The following DNAJC8 variants were observed in gnomAD, a reference collection of about 807,000 sequenced individuals.
The protein encoded by DNAJC8 is DnaJ heat shock protein family (Hsp40) member C8.
DNAJC8 carries 24 observed loss-of-function variants against 43.2 expected under a neutral mutation model. The observed-to-expected ratio is 0.56, with a 90% CI of 0.40 to 0.78. DNAJC8 has a LOEUF of 0.78. DNAJC8 is among the 30% of genes least tolerant of loss of function. DNAJC8 has a pLI of 0.00. For missense variants in DNAJC8, 207 were observed against 299.4 expected, an observed-to-expected ratio of 0.69 and a Z score of 2.28; for synonymous variants, 83 against 98.0, an observed-to-expected ratio of 0.85 and a Z score of 0.90.
At chr1:28,208,916 T>C (rs570907206) in intron 5 of DNAJC8, 2 of 152,392 alleles carry the variant, frequency 1.3e-5, no homozygotes, top group East Asian at 3.8e-4. Context: ...TTTTATCACA[T>C]TGGCCACTAC....
At chr1:28,204,089 T>C (rs143599299) in intron 7 of DNAJC8, among the ~76,000 whole-genome samples, 1,990 of 152,346 alleles carry the variant, frequency 0.013, 14 homozygotes, top group Middle Eastern at 0.027. Flanking sequence ...AAGAGCAATC[T>C]GAGGTTTTGG....
At chr1:28,202,515 A>G (rs1196682057) in intron 8 of DNAJC8, among the ~76,000 whole-genome samples, 33 of 150,218 alleles carry the variant, frequency 2.2e-4, no homozygotes, top group Non-Finnish European at 2.9e-5. Context: ...TCCTGACCTC[A>G]TGATCCGCCT....
In DNAJC8 at chr1:28,200,696, T is replaced by C. The variant is rs769480841; in HGVS notation, c.*552A>G. 2.6e-5 allele frequency: 12 copies of C among 454,312 alleles called. No individual in the cohort carries two copies. The highest frequency in any genetic ancestry group is 1.9e-4 in the South Asian group (12 of 64,474). 28.1% of individuals were successfully genotyped at this position (454,312 alleles called of 1,614,324 possible). A position where few individuals can be genotyped will look rare whatever the true frequency, so the allele number is the denominator to read the frequency against. ...TGGCGTGGGCCTCATGCCACACTGA[T>C]TGGTCAGTAGACAGGGGGCACATGC... On this transcript the variant is annotated 3_prime_UTR_variant, in exon 9 of 9. Transcript: ENST00000263697.
chr1:28,202,933 T>C (rs983613369), intron 8 of DNAJC8, among the ~76,000 whole-genome samples: 1 of 152,300 alleles, frequency 6.6e-6, no homozygotes, highest in South Asian at 2.1e-4. Context: ...TGTGTACTGC[T>C]ACCAGTGCTT....
intron 2 of DNAJC8, among the ~76,000 whole-genome samples, chr1:28,225,705 A>ATTTTTTTTTT (rs199980896): frequency 1.5e-5 from 2 of 137,502 alleles, no homozygotes; most frequent in Non-Finnish European, 3.1e-5. Context: ...TTAAATGGTA[A>ATTTTTTTTTT]TTTTTTTTTT....
At chr1:28,213,150 G>C (rs1369278858) in intron 3 of DNAJC8, among the ~76,000 whole-genome samples, 1 of 152,108 alleles carries the variant, frequency 6.6e-6, no homozygotes, top group Admixed American at 6.5e-5. Context: ...TACACTGCTT[G>C]TTAAGTGGTA....
At chr1:28,201,576 G>A (rs1646733565) in intron 8 of DNAJC8, among the ~76,000 whole-genome samples, 1 of 152,104 alleles carries the variant, frequency 6.6e-6, no homozygotes, top group Admixed American at 6.5e-5. Context: ...ATCACCTGAG[G>A]TCAGGAGTTC....
At position 28,221,886 on chromosome 1, in the gene DNAJC8, T is replaced by C. The variant is rs568598602; in HGVS notation, c.181-6890A>G. On this transcript the variant is annotated intron_variant, in intron 2 of 8. Transcript: ENST00000263697. ...GAATAGGCAAAATGTGGTATATCCA[T>C]ACAACAGATTACCATTCAGCCTTAA... 1.6e-4 allele frequency among the ~76,000 whole-genome samples: 24 copies of C among 152,292 alleles called. No homozygotes were observed. The East Asian group carries it at 3.9e-3, about 24-fold the overall frequency.
intron 3 of DNAJC8, 116 bp from the exon 4 acceptor site, chr1:28,210,753 G>A: frequency 1.5e-6 from 1 of 667,276 alleles, no homozygotes; most frequent in Non-Finnish European, 2.6e-6. Flanking sequence ...GAGACTCTTA[G>A]CAAAAGCATT....
chr1:28,205,719 C>T (rs1646764122), intron 6 of DNAJC8, among the ~76,000 whole-genome samples: 1 of 152,158 alleles, frequency 6.6e-6, no homozygotes. Flanking sequence ...GAAACTCTGT[C>T]TCTATCAAAA....
intron 3 of DNAJC8, 111 bp from the exon 4 acceptor site, chr1:28,210,748 T>C: frequency 1.4e-6 from 1 of 701,836 alleles, no homozygotes; most frequent in Admixed American, 2.6e-5. Flanking sequence ...AAAAAGAGAC[T>C]CTTAGCAAAA....
At chr1:28,209,878 C>T (rs1646798897) in intron 5 of DNAJC8, 94 bp downstream of exon 5, 1 of 1,076,100 alleles carries the variant, frequency 9.3e-7, no homozygotes, top group Admixed American at 1.9e-5. Context: ...CAGGTTGTGC[C>T]AGTAGGCATT....
intron 3 of DNAJC8, among the ~76,000 whole-genome samples, chr1:28,213,829 A>G (rs1461632000): frequency 6.6e-6 from 1 of 152,146 alleles, no homozygotes; most frequent in African/African-American, 2.4e-5. Flanking sequence ...CAGCCTGGGC[A>G]ACATGGCGAA....
intron 5 of DNAJC8, among the ~76,000 whole-genome samples, chr1:28,209,362 C>T (rs1050135841): frequency 6.6e-6 from 1 of 152,108 alleles, no homozygotes; most frequent in Non-Finnish European, 1.5e-5. Context: ...AGATTCTTGC[C>T]CCAGCAAGTA....
chr1:28,227,726 CATA>C (rs1374426060), intron 2 of DNAJC8, among the ~76,000 whole-genome samples: 1 of 152,040 alleles, frequency 6.6e-6, no homozygotes, highest in Non-Finnish European at 1.5e-5. Flanking sequence ...GCCTGGGCAA[CATA>C]ATGAGGCCCC....
At chr1:28,210,326 A>G (rs1029656185) in intron 4 of DNAJC8, 2 of 546,060 alleles carry the variant, frequency 3.7e-6, no homozygotes, top group Admixed American at 3.5e-5. Context: ...ATGTTCAAAG[A>G]AAAAAAATGA....
chr1:28,208,749 G>A (rs1213766891), intron 5 of DNAJC8: 16 of 170,772 alleles, frequency 9.4e-5, no homozygotes, highest in Non-Finnish European at 2.5e-5. Context: ...TTGTGGTTAT[G>A]TGTTTAGAGC....
intron 3 of DNAJC8, among the ~76,000 whole-genome samples, chr1:28,211,694 G>A (rs1646811380): frequency 6.6e-6 from 1 of 152,134 alleles, no homozygotes; most frequent in South Asian, 2.1e-4. Flanking sequence ...ACTAGACTGG[G>A]TTTCAGATGA....
chr1:28,217,492 T>G (rs1285268591), intron 2 of DNAJC8, among the ~76,000 whole-genome samples: 1 of 152,054 alleles, frequency 6.6e-6, no homozygotes, highest in Non-Finnish European at 1.5e-5. Context: ...TGGTGGCGCA[T>G]GAAAATGAGA....
Sources: gnomAD v4.1 joint callset for allele counts (sites outside exome capture counted in the v4.1 genomes callset) on GRCh38, gnomAD v4.1.1 for gene constraint, MANE v1.5 for transcripts, NCBI Gene and HGNC (gene_info 2026-07-23, HGNC 2026-07-21) for gene names.